Variants in HYCC1 observed in about 807,000 individuals in gnomAD.
HYCC1 encodes the protein hyccin.
the HYCC1 span, among the ~76,000 whole-genome samples, chr7:22,980,426 TA>T: frequency 5.3e-5 from 8 of 152,144 alleles, no homozygotes; most frequent in African/African-American, 1.9e-4. Context: ...CTCTCCATTG[TA>T]AAATAAATTT....
At chr7:22,984,049 A>C in the HYCC1 span, 1 of 1,508,942 alleles carries the variant, frequency 6.6e-7, no homozygotes, top group Admixed American at 1.7e-5. Context: ...GTAATGTCTA[A>C]ACAAATTTAA....
chr7:23,011,624 C>T, the HYCC1 span, among the ~76,000 whole-genome samples: 2 of 152,304 alleles, frequency 1.3e-5, no homozygotes, highest in South Asian at 4.1e-4. Context: ...CCTGATCTGG[C>T]CCTCTACCAC....
At chr7:22,921,674 G>A in the HYCC1 span, among the ~76,000 whole-genome samples, 7 of 152,302 alleles carry the variant, frequency 4.6e-5, no homozygotes, top group African/African-American at 1.7e-4. Context: ...CTCACATAGT[G>A]AGGATTATGG....
At chr7:22,915,794 T>G in the HYCC1 span, among the ~76,000 whole-genome samples, 3 of 152,276 alleles carry the variant, frequency 2.0e-5, no homozygotes, top group South Asian at 2.1e-4. Context: ...ACTCCCCAAC[T>G]CTGGTGCCAA....
the HYCC1 span, chr7:22,945,850 A>C: frequency 6.2e-7 from 1 of 1,613,820 alleles, no homozygotes; most frequent in Non-Finnish European, 8.5e-7. Context: ...TACTAGGCTT[A>C]GGTAGGGATT....
chr7:22,928,889 C>A, the HYCC1 span, among the ~76,000 whole-genome samples: 3 of 152,188 alleles, frequency 2.0e-5, no homozygotes, highest in Admixed American at 2.0e-4. Flanking sequence ...CCAAGTCAAT[C>A]CTAAGCCAAA....
the HYCC1 span, among the ~76,000 whole-genome samples, chr7:23,008,678 C>A: frequency 6.6e-6 from 1 of 151,656 alleles, no homozygotes; most frequent in African/African-American, 2.4e-5. Flanking sequence ...AAGAAATAGC[C>A]CAATTAAACT....
chr7:23,012,660 T>C, the HYCC1 span, among the ~76,000 whole-genome samples: 2 of 152,198 alleles, frequency 1.3e-5, no homozygotes, highest in Non-Finnish European at 2.9e-5. Context: ...TAGACTACTA[T>C]TCATCCTGTA....
At chr7:22,930,598 G>C in the HYCC1 span, among the ~76,000 whole-genome samples, 9 of 151,920 alleles carry the variant, frequency 5.9e-5, no homozygotes, top group African/African-American at 2.2e-4. Flanking sequence ...AAATAGAGAA[G>C]GGGGGAACTC....
the HYCC1 span, among the ~76,000 whole-genome samples, chr7:22,981,351 T>C: frequency 6.6e-6 from 1 of 152,188 alleles, no homozygotes; most frequent in Non-Finnish European, 1.5e-5. Flanking sequence ...CTTCAAATAA[T>C]ACCAGAAACA....
chr7:22,945,740 C>A, the HYCC1 span: 1 of 1,613,846 alleles, frequency 6.2e-7, no homozygotes, highest in South Asian at 1.1e-5. Context: ...CCCAGCCCCA[C>A]AACCAACAGC....
the HYCC1 span, chr7:22,946,016 T>G: frequency 2.5e-6 from 4 of 1,613,822 alleles, no homozygotes; most frequent in Non-Finnish European, 3.4e-6. Context: ...CCGTCTGTGG[T>G]TCTTTCCTAT....
the HYCC1 span, chr7:22,977,469 C>A: frequency 9.3e-7 from 1 of 1,079,026 alleles, no homozygotes; most frequent in African/African-American, 1.6e-5. Flanking sequence ...TTCTTACACA[C>A]AAATTTACAA....
the HYCC1 span, chr7:22,934,120 A>G: frequency 3.3e-5 from 5 of 151,690 alleles, no homozygotes; most frequent in African/African-American, 1.2e-4. Flanking sequence ...GGGTTGTGAA[A>G]TAACATTTTT....
chr7:22,920,866 G>C, the HYCC1 span, among the ~76,000 whole-genome samples: 4 of 152,146 alleles, frequency 2.6e-5, no homozygotes, highest in African/African-American at 9.7e-5. Flanking sequence ...GCATGACTTA[G>C]CACCATCCCC....
At chr7:23,004,633 T>C in the HYCC1 span, among the ~76,000 whole-genome samples, 1 of 151,910 alleles carries the variant, frequency 6.6e-6, no homozygotes, top group Non-Finnish European at 1.5e-5. Flanking sequence ...ATCATTATCA[T>C]GGGTAAAAAA....
the HYCC1 span, among the ~76,000 whole-genome samples, chr7:22,980,662 T>C: frequency 6.6e-6 from 1 of 152,138 alleles, no homozygotes; most frequent in East Asian, 1.9e-4. Context: ...ATTGAACAAT[T>C]ACTCAGGAAC....
the HYCC1 span, among the ~76,000 whole-genome samples, chr7:22,957,842 TGA>T: frequency 0.048 from 7,246 of 152,082 alleles, 198 homozygotes; most frequent in Non-Finnish European, 0.053. Context: ...AGAAACATTA[TGA>T]GATAAAAAGG....
At chr7:22,933,067 G>C in the HYCC1 span, among the ~76,000 whole-genome samples, 3 of 152,148 alleles carry the variant, frequency 2.0e-5, no homozygotes, top group Non-Finnish European at 4.4e-5. Context: ...ATTTTTTAGA[G>C]CCTTCAAAGG....
Sources: gnomAD v4.1 joint callset for allele counts (sites outside exome capture counted in the v4.1 genomes callset) on GRCh38, gnomAD v4.1.1 for gene constraint, MANE v1.5 for transcripts, NCBI Gene and HGNC (gene_info 2026-07-23, HGNC 2026-07-21) for gene names.